The following SGTA variants were observed in gnomAD, a reference collection of about 807,000 sequenced individuals.
SGTA encodes small glutamine-rich tetratricopeptide repeat-containing protein alpha.
Under a neutral mutation model 44.3 loss-of-function variants are expected in SGTA, and 22 were observed. The observed-to-expected ratio is 0.50, with a 90% CI of 0.36 to 0.71. The LOEUF (loss-of-function observed/expected upper bound fraction) is 0.71, where lower values mean the gene tolerates loss of function less well. Ranked by LOEUF, SGTA falls within the 30% of genes least tolerant of loss-of-function variation. The probability of loss-of-function intolerance (pLI) is 0.00; values close to 1 mark genes in which losing one functional copy is unlikely to be tolerated. For synonymous variants in SGTA, 174 were observed against 177.6 expected (o/e 0.98, Z 0.16); for missense variants, 341 against 435.9 (o/e 0.78, Z 1.94).
intron 5 of SGTA, among the ~76,000 whole-genome samples, chr19:2,764,500 T>C: frequency 6.6e-6 from 1 of 151,530 alleles, no homozygotes; most frequent in East Asian, 1.9e-4. Flanking sequence ...CGGGTTCAAG[T>C]GATTTTCCTG....
rs1226810581 is a variant in SGTA at position 2,765,270 on chromosome 19, T to C, written c.308A>G (p.Lys103Arg). 3.1e-6 allele frequency: 5 copies of C among 1,611,068 alleles called. No individual in the cohort carries two copies. Among genetic ancestry groups the C allele is most frequent in the Non-Finnish European group, 4.2e-6 (5 of 1,179,688 alleles). ...CACGGCAGCTTCAAAGTTTTCCACTTTCATCTGCTCGTTTCCTACAGGGAG... is the reference window on the plus strand; with the variant it reads ...CACGGCAGCTTCAAAGTTTTCCACTCTCATCTGCTCGTTTCCTACAGGGAG... ...RLKTEGNEQM[K>R]VENFEAAVHF... Residue 103 changes from lysine (K) to arginine (R), a missense_variant, in exon 5 of 12, where the codon AAA becomes AGA. Coordinates refer to ENST00000221566, the MANE Select transcript of SGTA (RefSeq NM_003021.4). The surrounding 1 kb of genome is among the most constrained non-coding windows in gnomAD (Gnocchi z 5.5).
At position 2,755,691 on chromosome 19, in the gene SGTA, G is replaced by C. The variant is rs1914803085; in HGVS notation, c.*249C>G. Reference sequence around the variant, plus strand: ...ACCGAGCTTTCTGGGGGCTGGAAGGGAGGTCGCTGCTGGTCTGTGCTCAGC... The same window carrying C: ...ACCGAGCTTTCTGGGGGCTGGAAGGCAGGTCGCTGCTGGTCTGTGCTCAGC... On this transcript the variant is annotated 3_prime_UTR_variant, in exon 12 of 12. Transcript: ENST00000221566. The surrounding 1 kb of genome is among the most constrained non-coding windows in gnomAD (Gnocchi z 5.2). 4.1e-6 allele frequency: 4 copies of C among 985,434 alleles called. No individual in the cohort carries two copies. In the Admixed American group the frequency reaches 2.5e-4, roughly 61 times the overall value. 61.0% of individuals were successfully genotyped at this position (985,434 alleles called of 1,614,324 possible). A position where few individuals can be genotyped will look rare whatever the true frequency, so the allele number is the denominator to read the frequency against.
chr19:2,758,516 C>CAAA (rs11400903), intron 9 of SGTA, among the ~76,000 whole-genome samples: 8 of 135,444 alleles, frequency 5.9e-5, no homozygotes, highest in African/African-American at 1.9e-4. Flanking sequence ...GATTCTGTCT[C>CAAA]AAAAAAAAAA....
In SGTA at chr19:2,767,999, G is replaced by A. The variant is rs1915197656; in HGVS notation, c.101-313C>T. Among the ~76,000 whole-genome samples the A allele has an allele frequency of 6.6e-6, 1 of 152,170 alleles. No individual in the cohort carries two copies. Among genetic ancestry groups the A allele is most frequent in the South Asian group, 2.1e-4 (1 of 4,834 alleles). ...GCTGCCCGGCTGCGGCGTGGTGGGG[G>A]CTTGGCCCCACCTGGAGGGCCACGT... On this transcript the variant is annotated intron_variant, in intron 2 of 11. Transcript: ENST00000221566. This position sits in a 1 kb window ranked among gnomAD's most constrained non-coding sequence, Gnocchi z 7.3.
Position 2,761,026 on chromosome 19 carries a change from C to T in SGTA, c.699+434G>A, listed in dbSNP as rs141113765. Among the ~76,000 whole-genome samples the T allele has an allele frequency of 5.8e-4, 89 of 152,356 alleles. No individual in the cohort carries two copies. The highest frequency in any genetic ancestry group is 2.0e-3 in the African/African-American group (83 of 41,582). ...GCCCGGGCATCGGGAGGTCCACCTG[C>T]GCCCGGCGCACCCGGCGCTCTGCTT... On this transcript the variant is annotated intron_variant, in intron 8 of 11. Coordinates refer to ENST00000221566, the MANE Select transcript of SGTA (RefSeq NM_003021.4). The surrounding 1 kb of genome is among the most constrained non-coding windows in gnomAD (Gnocchi z 5.7).
rs200679965 is a variant in SGTA, at chr19:2,762,653, G to C, written c.498-9C>G. ...GGCTGGAGAGCGCCAGGCTGGAGGA[G>C]AGCACCGGGGATGGACTGTTCCCAT... On this transcript the variant is annotated splice_polypyrimidine_tract_variant and intron_variant, in intron 6 of 11. Transcript: ENST00000221566. The C allele has an allele frequency of 1.1e-5, 17 of 1,613,606 alleles. No homozygotes were observed. The East Asian group carries it at 3.6e-4, about 34-fold the overall frequency.
intron 1 of SGTA, chr19:2,770,622 G>A (rs1915280591): frequency 6.5e-6 from 1 of 152,970 alleles, no homozygotes; most frequent in African/African-American, 2.4e-5. Context: ...ACGTCCACCT[G>A]GGACCTGAGC....
rs1915161847 is a variant in SGTA at position 2,767,024 on chromosome 19, G to T, written c.292+112C>A. 2 of 793,210 alleles carry T rather than the reference G, an allele frequency of 2.5e-6. No individual in the cohort carries two copies. Among genetic ancestry groups the T allele is most frequent in the African/African-American group, 1.7e-5 (1 of 58,472 alleles). The allele number at this position is 793,210 out of a possible 1,614,324, so 49.1% of individuals were successfully genotyped here. ...ACAAGCCAGCGTGCTGGTCATCAGG[G>T]CAATTCCCTCAGCTCCCTGGGCCCC... On this transcript the variant is annotated intron_variant, in intron 4 of 11. Coordinates refer to ENST00000221566, the MANE Select transcript of SGTA (RefSeq NM_003021.4). The surrounding 1 kb of genome is among the most constrained non-coding windows in gnomAD (Gnocchi z 7.3).
At chr19:2,775,574 C>T (rs964002717) in intron 1 of SGTA, among the ~76,000 whole-genome samples, 1 of 152,330 alleles carries the variant, frequency 6.6e-6, no homozygotes, top group East Asian at 1.9e-4. Context: ...GCAAAAGAGC[C>T]AGACCCAAAG....
At position 2,767,103 on chromosome 19, in the gene SGTA, G is replaced by T; in HGVS notation, c.292+33C>A. ...CACAGCCCCGGAGTCCAGGTAGGGC[G>T]AGGTGTCTGTGGGGATGGAGGTCCT... On this transcript the variant is annotated intron_variant, in intron 4 of 11. Transcript: ENST00000221566. This position sits in a 1 kb window ranked among gnomAD's most constrained non-coding sequence, Gnocchi z 7.3. 2 of 1,510,728 alleles carry T rather than the reference G, an allele frequency of 1.3e-6. No individual in the cohort carries two copies. Among genetic ancestry groups the T allele is most frequent in the Non-Finnish European group, 1.8e-6 (2 of 1,095,236 alleles). The allele number at this position is 1,510,728 out of a possible 1,614,324, so 93.6% of individuals were successfully genotyped here.
At position 2,759,757 on chromosome 19, in the gene SGTA, T is replaced by G. The variant is rs531562288; in HGVS notation, c.700-463A>C. On this transcript the variant is annotated intron_variant, in intron 8 of 11. Transcript: ENST00000221566. ...AGGCAGATCGCTTGAGGTCAGGAGT[T>G]CGAGACCAGCCTAACCAACATGGTG... Among the ~76,000 whole-genome samples the G allele has an allele frequency of 2.0e-5, 3 of 152,204 alleles. No individual in the cohort carries two copies. The South Asian group carries it at 6.2e-4, about 32-fold the overall frequency.
intron 1 of SGTA, among the ~76,000 whole-genome samples, chr19:2,772,815 G>A (rs1388380075): frequency 2.8e-5 from 4 of 142,576 alleles, no homozygotes; most frequent in Non-Finnish European, 6.0e-5. Flanking sequence ...GATGGGTGAC[G>A]CGGCCACAGG....
intron 1 of SGTA, among the ~76,000 whole-genome samples, chr19:2,775,385 T>C (rs1915422586): frequency 6.6e-6 from 1 of 152,182 alleles, no homozygotes; most frequent in South Asian, 2.1e-4. Context: ...AAGCAAGGCA[T>C]TGGCCCGCCA....
chr19:2,768,199 C>CA (rs1210687884), intron 2 of SGTA, among the ~76,000 whole-genome samples: 1 of 152,172 alleles, frequency 6.6e-6, no homozygotes, highest in East Asian at 1.9e-4. Flanking sequence ...GCCCACCTGA[C>CA]AGACTCAGCA....
In SGTA at chr19:2,770,969, G is replaced by A. The variant is rs1033914466; in HGVS notation, c.-23-1878C>T. On this transcript the variant is annotated intron_variant, in intron 1 of 11. Transcript: ENST00000221566. ...GGAGAGGCCAGGCGGTTCCCGGATCGTGGCCTGCAAAGCCTGTGAGCTCGG... is the reference window on the plus strand; with the variant it reads ...GGAGAGGCCAGGCGGTTCCCGGATCATGGCCTGCAAAGCCTGTGAGCTCGG... Among the ~76,000 whole-genome samples the A allele has an allele frequency of 4.6e-5, 7 of 152,376 alleles. No individual in the cohort carries two copies. The East Asian group carries it at 7.7e-4, about 17-fold the overall frequency.
chr19:2,778,881 C>A (rs1042309427), intron 1 of SGTA, among the ~76,000 whole-genome samples: 1 of 152,216 alleles, frequency 6.6e-6, no homozygotes, highest in Non-Finnish European at 1.5e-5. Context: ...TGATTTCCAC[C>A]CTCTGCCCAA....
chr19:2,757,243 C>A, intron 11 of SGTA, 94 bp downstream of exon 11: 1 of 1,447,940 alleles, frequency 6.9e-7, no homozygotes, highest in Non-Finnish European at 9.3e-7. Flanking sequence ...CCACAGCCCC[C>A]GGGCGTCACT....
At chr19:2,759,778 T>C (rs897100280) in intron 8 of SGTA, among the ~76,000 whole-genome samples, 1 of 152,028 alleles carries the variant, frequency 6.6e-6, no homozygotes, top group Non-Finnish European at 1.5e-5. Flanking sequence ...CTAACCAACA[T>C]GGTGAAACCC....
intron 1 of SGTA, among the ~76,000 whole-genome samples, chr19:2,771,139 G>A (rs1568311536): frequency 1.3e-5 from 2 of 152,212 alleles, no homozygotes; most frequent in Admixed American, 6.5e-5. Flanking sequence ...TTAATATCAC[G>A]ATTCTGCCAG....
Sources: gnomAD v4.1 joint callset for allele counts (sites outside exome capture counted in the v4.1 genomes callset) on GRCh38, gnomAD v4.1.1 for gene constraint, Gnocchi (gnomAD v3.1) non-coding constraint, MANE v1.5 for transcripts, NCBI Gene and HGNC (gene_info 2026-07-23, HGNC 2026-07-21) for gene names.